LDLRAD4: variants seen among roughly 807,000 people sequenced by gnomAD.
LDLRAD4 encodes the protein low density lipoprotein receptor class A domain containing 4.
In LDLRAD4, 5 loss-of-function variants were observed where a neutral mutation model predicts 17.0. The observed-to-expected ratio is 0.29, with a 90% CI of 0.15 to 0.62. The LOEUF is 0.62. Among genes scored for constraint, LDLRAD4 ranks in the 20% least tolerant of loss-of-function variants. The pLI is 0.84. For synonymous variants in LDLRAD4, 168 were observed against 171.8 expected, an observed-to-expected ratio of 0.98 and a Z score of 0.17; for missense variants, 340 against 424.7, an observed-to-expected ratio of 0.80 and a Z score of 1.75.
chr18:13,493,158 A>G (rs2093393705), intron 3 of LDLRAD4, among the ~76,000 whole-genome samples: 1 of 152,176 alleles, frequency 6.6e-6, no homozygotes, highest in Non-Finnish European at 1.5e-5. Context: ...TTTATCTTCT[A>G]AACACCTTGA....
intron 1 of LDLRAD4, among the ~76,000 whole-genome samples, chr18:13,270,765 A>G (rs2044488569): frequency 6.6e-6 from 1 of 152,238 alleles, no homozygotes; most frequent in Non-Finnish European, 1.5e-5. Context: ...CGGAGACCAC[A>G]GCCAGCACTA....
rs1254787030 is a variant in LDLRAD4 at position 13,641,995 on chromosome 18, C to CTCCGCCCCCTTCCCGCT, written c.337-1355_337-1339dup. ...CCTGGGCCCTGGGCGGTGGGAGGGC[C>CTCCGCCCCCTTCCCGCT]TCCGCCCCCTTCCCGCTTCCGCCCC... On this transcript the variant is annotated intron_variant, in intron 4 of 5. Transcript: ENST00000359446. The CTCCGCCCCCTTCCCGCT allele has an allele frequency of 1.7e-5, 17 of 985,148 alleles. No homozygotes were observed. In the Admixed American group the frequency reaches 1.8e-4, roughly 11 times the overall value. The allele number at this position is 985,148 out of a possible 1,614,324, so 61.0% of individuals were successfully genotyped here.
Position 13,645,265 on chromosome 18 carries a change from G to T in LDLRAD4, c.529G>T (p.Gly177Cys). ...TCCTCCCACCATCTCCCTGTCCGAC[G>T]GTGAAGAGCCACCTCCTTACCAGGG... Residue 177 changes from glycine to cysteine, a missense_variant, in exon 6 of 6, where the codon GGT (glycine) becomes TGT (cysteine). Coordinates refer to ENST00000359446, the Ensembl canonical transcript of LDLRAD4. The surrounding 1 kb of genome is among the most constrained non-coding windows in gnomAD (Gnocchi z 5.7). The T allele has an allele frequency of 6.2e-7, 1 of 1,614,150 alleles. No individual in the cohort carries two copies. Among genetic ancestry groups the T allele is most frequent in the Non-Finnish European group, 8.5e-7 (1 of 1,180,028 alleles).
At chr18:13,627,984 C>G (rs1245643568) in intron 4 of LDLRAD4, among the ~76,000 whole-genome samples, 1 of 152,188 alleles carries the variant, frequency 6.6e-6, no homozygotes, top group Non-Finnish European at 1.5e-5. Context: ...TCCCTCTACC[C>G]TCCCCTGCAG....
At chr18:13,318,388 A>C (rs961876582) in intron 1 of LDLRAD4, among the ~76,000 whole-genome samples, 1 of 151,892 alleles carries the variant, frequency 6.6e-6, no homozygotes, top group African/African-American at 2.4e-5. Context: ...CAGCCTCCTG[A>C]GTAGCTGGGA....
chr18:13,608,112 A>G (rs951129790), intron 3 of LDLRAD4, among the ~76,000 whole-genome samples: 16 of 152,170 alleles, frequency 1.1e-4, no homozygotes, highest in Non-Finnish European at 1.8e-4. Context: ...AAGAATATGA[A>G]CAGACACTTC....
intron 1 of LDLRAD4, among the ~76,000 whole-genome samples, chr18:13,330,656 C>T (rs1298208328): frequency 1.3e-5 from 2 of 152,176 alleles, no homozygotes; most frequent in African/African-American, 4.8e-5. Context: ...TCCTGACATA[C>T]AACTCTAAAA....
chr18:13,512,287 C>T (rs1177057284), intron 3 of LDLRAD4, among the ~76,000 whole-genome samples: 1 of 152,182 alleles, frequency 6.6e-6, no homozygotes, highest in African/African-American at 2.4e-5. Context: ...AGTCATGATA[C>T]AGGAATGATC....
chr18:13,615,576 TCTGTTC>T (rs1363652288), intron 3 of LDLRAD4: 1 of 152,236 alleles, frequency 6.6e-6, no homozygotes, highest in African/African-American at 2.4e-5. Context: ...CACCACTTCT[TCTGTTC>T]CTGTAATTCT....
intron 3 of LDLRAD4, chr18:13,491,637 T>C (rs984946703): frequency 6.6e-6 from 1 of 152,200 alleles, no homozygotes; most frequent in African/African-American, 2.4e-5. Flanking sequence ...TTTGATTTTA[T>C]AGCAAAAAAA....
intron 1 of LDLRAD4, among the ~76,000 whole-genome samples, chr18:13,376,955 C>T (rs2084957761): frequency 6.6e-6 from 1 of 152,220 alleles, no homozygotes; most frequent in African/African-American, 2.4e-5. Flanking sequence ...ACCAGGCAGC[C>T]TTCCCCTGGG....
intron 3 of LDLRAD4, chr18:13,620,913 C>G (rs2040565373): frequency 1.5e-6 from 1 of 672,494 alleles, no homozygotes; most frequent in Non-Finnish European, 2.6e-6. Context: ...CCGCTCCCCG[C>G]AGCTGGTTTG....
intron 3 of LDLRAD4, among the ~76,000 whole-genome samples, chr18:13,574,999 A>G (rs934038107): frequency 5.3e-5 from 8 of 152,244 alleles, no homozygotes; most frequent in Middle Eastern, 3.2e-3. Flanking sequence ...TGAGTCACTG[A>G]TTAAAAACAA....
intron 1 of LDLRAD4, among the ~76,000 whole-genome samples, chr18:13,234,637 T>G (rs2042247385): frequency 6.6e-6 from 1 of 152,108 alleles, no homozygotes; most frequent in South Asian, 2.1e-4. Flanking sequence ...CTCCGTGGGT[T>G]GGGACAGGCC....
intron 2 of LDLRAD4, among the ~76,000 whole-genome samples, chr18:13,407,988 A>G (rs1035973244): frequency 6.6e-6 from 1 of 152,230 alleles, no homozygotes. Flanking sequence ...ATCAGGTCTT[A>G]CAACTACAAT....
At chr18:13,273,970 A>G (rs1413060799), upstream of LDLRAD4, among the ~76,000 whole-genome samples, 1 of 152,024 alleles carries the variant, frequency 6.6e-6, no homozygotes, top group Admixed American at 6.6e-5. Flanking sequence ...CGGCAGCCCC[A>G]CAGGACCCTG....
chr18:13,458,752 T>C (rs1600479587), intron 3 of LDLRAD4, among the ~76,000 whole-genome samples: 1 of 152,242 alleles, frequency 6.6e-6, no homozygotes, highest in Admixed American at 6.5e-5. Flanking sequence ...ACAGAGACTC[T>C]TTCCCAGCTG....
intron 2 of LDLRAD4, among the ~76,000 whole-genome samples, chr18:13,412,225 C>G (rs988391508): frequency 2.0e-5 from 3 of 152,168 alleles, no homozygotes. Flanking sequence ...ATGACTTTGC[C>G]TCAGTTACTG....
At chr18:13,274,675 T>TCA (rs1305035320), upstream of LDLRAD4, among the ~76,000 whole-genome samples, 2,592 of 152,298 alleles carry the variant, frequency 0.017, 86 homozygotes, top group African/African-American at 0.06. Context: ...TGAATAAAGT[T>TCA]TTTCTTTTGT....
Sources: allele counts gnomAD v4.1 joint callset (sites outside exome capture counted in the v4.1 genomes callset), GRCh38; gene constraint gnomAD v4.1.1; non-coding constraint Gnocchi (gnomAD v3.1); transcripts MANE v1.5; gene names NCBI Gene and HGNC (gene_info 2026-07-23, HGNC 2026-07-21).